COL15A1: variants seen among roughly 807,000 people sequenced by gnomAD.
The protein encoded by COL15A1 is collagen alpha-1(XV) chain.
Under a neutral mutation model 165.9 loss-of-function variants are expected in COL15A1, and 111 were observed. That is an observed-to-expected ratio of 0.67 (90% CI 0.57 to 0.78). COL15A1 has a LOEUF of 0.78. Among genes scored for constraint, COL15A1 ranks in the 30% least tolerant of loss-of-function variants. The pLI is 0.00. For missense variants in COL15A1, 1,745 were observed against 1,789.7 expected (o/e 0.98, Z 0.45); for synonymous variants, 659 against 674.8 (o/e 0.98, Z 0.36).
chr9:98,952,243 A>G (rs1323699952), intron 2 of COL15A1, among the ~76,000 whole-genome samples: 1 of 152,102 alleles, frequency 6.6e-6, no homozygotes, highest in Non-Finnish European at 1.5e-5. Context: ...CAATTCTTCC[A>G]TGGCTTTGTC....
intron 2 of COL15A1, among the ~76,000 whole-genome samples, chr9:98,959,145 C>T (rs574029787): frequency 4.2e-5 from 6 of 143,238 alleles, no homozygotes; most frequent in Non-Finnish European, 7.5e-5. Context: ...AATCTCAGCA[C>T]TTCAGGAAGC....
intron 35 of COL15A1, among the ~76,000 whole-genome samples, chr9:99,057,630 C>T (rs558090956): frequency 6.6e-6 from 1 of 152,174 alleles, no homozygotes; most frequent in Admixed American, 6.5e-5. Context: ...CATTTAGGAA[C>T]CTTTCCAAGG....
chr9:98,983,766 G>A (rs1838266212), intron 2 of COL15A1, among the ~76,000 whole-genome samples: 1 of 152,192 alleles, frequency 6.6e-6, no homozygotes, highest in Admixed American at 6.5e-5. Context: ...GGTTTCCGTG[G>A]ACGGTCTCAT....
At chr9:99,039,012 G>T (rs1839354593) in intron 22 of COL15A1, among the ~76,000 whole-genome samples, 1 of 152,178 alleles carries the variant, frequency 6.6e-6, no homozygotes, top group African/African-American at 2.4e-5. Flanking sequence ...GATGACATCT[G>T]TTGCACACTT....
At chr9:98,972,302 G>T (rs1362391100) in intron 2 of COL15A1, among the ~76,000 whole-genome samples, 1 of 152,072 alleles carries the variant, frequency 6.6e-6, no homozygotes, top group African/African-American at 2.4e-5. Flanking sequence ...GATTGACGCA[G>T]GCAAGACCCT....
At chr9:99,023,549 C>A (rs542768338) in intron 14 of COL15A1, 100 bp downstream of exon 14, 4 of 646,346 alleles carry the variant, frequency 6.2e-6, no homozygotes, top group African/African-American at 1.8e-5. Flanking sequence ...ACTGGATTGG[C>A]TGCTGCTGGG....
rs114377702 is a variant in COL15A1 at position 99,053,634 on chromosome 9, G to A, written c.2951-942G>A. Among the ~76,000 whole-genome samples, 463 of 152,328 alleles carry A rather than the reference G, an allele frequency of 3.0e-3. 1 individual carries two copies. Among genetic ancestry groups the A allele is most frequent in the African/African-American group, 0.01 (419 of 41,562 alleles). On this transcript the variant is annotated intron_variant, in intron 31 of 41. Transcript: ENST00000375001. The stretch of plus-strand genomic sequence containing the variant: ...GTCTGTGGGCTCAGTGTGGGTGAAG[G>A]AGGCCCCATGGGCCCCACTGCGCAG...
At chr9:99,037,910 A>T (rs1354042546) in intron 21 of COL15A1, among the ~76,000 whole-genome samples, 1 of 152,170 alleles carries the variant, frequency 6.6e-6, no homozygotes, top group African/African-American at 2.4e-5. Flanking sequence ...CTGGCAGAGG[A>T]TAGTGCACAT....
intron 2 of COL15A1, among the ~76,000 whole-genome samples, chr9:98,956,114 G>A (rs190830623): frequency 5.8e-4 from 89 of 152,266 alleles, no homozygotes; most frequent in Non-Finnish European, 9.4e-4. Context: ...GTGACCAGCC[G>A]GGCCAACATG....
At chr9:99,047,605 G>A (rs1839512981) in intron 26 of COL15A1, among the ~76,000 whole-genome samples, 181 bp from the exon 27 acceptor site, 1 of 152,164 alleles carries the variant, frequency 6.6e-6, no homozygotes, top group South Asian at 2.1e-4. Context: ...GCTTCTAGCT[G>A]AGAGCGGAGA....
chr9:98,955,107 G>C (rs1455196191), intron 2 of COL15A1, among the ~76,000 whole-genome samples: 3 of 152,176 alleles, frequency 2.0e-5, no homozygotes, highest in Non-Finnish European at 2.9e-5. Flanking sequence ...AGCTCTTCAG[G>C]GATTCTTCAT....
intron 4 of COL15A1, 57 bp from the exon 5 acceptor site, chr9:98,989,121 A>G: frequency 2.2e-6 from 3 of 1,391,166 alleles, no homozygotes; most frequent in Non-Finnish European, 3.1e-6. Flanking sequence ...CAGTCATCCA[A>G]CTCTTATGGG....
intron 5 of COL15A1, among the ~76,000 whole-genome samples, chr9:98,991,267 C>T (rs1838425037): frequency 1.3e-5 from 2 of 152,240 alleles, no homozygotes; most frequent in African/African-American, 4.8e-5. Flanking sequence ...TGACCCCCCC[C>T]CACATCCTGC....
chr9:99,056,794 T>C (rs1008941287), intron 35 of COL15A1, among the ~76,000 whole-genome samples: 1 of 152,240 alleles, frequency 6.6e-6, no homozygotes, highest in African/African-American at 2.4e-5. Context: ...TTCATATAAA[T>C]GGAATCATAT....
At chr9:99,003,136 A>G (rs1838692371) in intron 7 of COL15A1, among the ~76,000 whole-genome samples, 6 of 152,218 alleles carry the variant, frequency 3.9e-5, no homozygotes, top group Admixed American at 3.9e-4. Context: ...TGCCTTCTGG[A>G]TGGGTACATG....
chr9:99,045,231 G>A (rs1839474581), intron 26 of COL15A1, among the ~76,000 whole-genome samples: 2 of 152,214 alleles, frequency 1.3e-5, no homozygotes, highest in Non-Finnish European at 2.9e-5. Context: ...AAGGAGAGGT[G>A]CACTTGCAGT....
At chr9:98,978,200 A>G (rs1838173303) in intron 2 of COL15A1, among the ~76,000 whole-genome samples, 2 of 152,214 alleles carry the variant, frequency 1.3e-5, no homozygotes, top group African/African-American at 4.8e-5. Context: ...GCAGACTCCT[A>G]GGCATAAGAA....
chr9:98,963,226 C>T (rs556959315), intron 2 of COL15A1, among the ~76,000 whole-genome samples: 18 of 152,316 alleles, frequency 1.2e-4, no homozygotes, highest in Middle Eastern at 3.4e-3. Context: ...ACCATTTATG[C>T]ACCTTAGGTA....
intron 21 of COL15A1, among the ~76,000 whole-genome samples, chr9:99,038,131 T>A (rs1008952290): frequency 2.0e-5 from 3 of 150,426 alleles, no homozygotes; most frequent in Non-Finnish European, 2.9e-5. Flanking sequence ...ACACGATTTT[T>A]AAAAATCAAA....
Sources: gnomAD v4.1 joint callset for allele counts (sites outside exome capture counted in the v4.1 genomes callset) on GRCh38, gnomAD v4.1.1 for gene constraint, MANE v1.5 for transcripts, NCBI Gene and HGNC (gene_info 2026-07-23, HGNC 2026-07-21) for gene names.